The following SGCZ variants were observed in gnomAD, a reference collection of about 807,000 sequenced individuals.
The protein encoded by SGCZ is zeta-sarcoglycan.
In SGCZ, 40 loss-of-function variants were observed where a neutral mutation model predicts 41.3. The observed-to-expected ratio is 0.97, with a 90% confidence interval of 0.75 to 1.26. SGCZ has a LOEUF of 1.26. Among genes scored for constraint, SGCZ ranks in the 50% most tolerant of loss-of-function variants. The probability of loss-of-function intolerance (pLI) is 0.00; values close to 1 mark genes in which losing one functional copy is unlikely to be tolerated. For missense variants in SGCZ, 552 were observed against 369.8 expected, an observed-to-expected ratio of 1.49 and a Z score of -4.04; for synonymous variants, 206 against 137.5, an observed-to-expected ratio of 1.50 and a Z score of -3.49.
At chr8:14,389,639 G>A (rs1585440397) in intron 2 of SGCZ, among the ~76,000 whole-genome samples, 1 of 151,874 alleles carries the variant, frequency 6.6e-6, no homozygotes, top group Non-Finnish European at 1.5e-5. Flanking sequence ...ATAGACTCTT[G>A]TAGAAAATTA....
intron 2 of SGCZ, among the ~76,000 whole-genome samples, chr8:14,421,433 C>T (rs901869319): frequency 6.6e-6 from 1 of 152,104 alleles, no homozygotes; most frequent in East Asian, 1.9e-4. Flanking sequence ...ATGTATATAC[C>T]AGGTCTTGGG....
rs377636632 is a variant in SGCZ, at chr8:14,571,026, C to T, written c.40-16100G>A. Among the ~76,000 whole-genome samples the T allele has an allele frequency of 2.8e-4, 42 of 152,278 alleles. 1 individual carries two copies. In the East Asian group the frequency reaches 7.5e-3, roughly 27 times the overall value. ...CTTGACAGGTGTATTAGTCAGTTTT[C>T]GCACTGCTATAAAGAACACCTGAGA... On this transcript the variant is annotated intron_variant, in intron 1 of 7. Transcript: ENST00000382080.
intron 1 of SGCZ, among the ~76,000 whole-genome samples, chr8:15,185,541 G>A (rs541925749): frequency 6.6e-6 from 1 of 151,932 alleles, no homozygotes; most frequent in African/African-American, 2.4e-5. Flanking sequence ...TTATTGCCTC[G>A]ATATCTTTAT....
intron 1 of SGCZ, among the ~76,000 whole-genome samples, chr8:14,876,694 T>A (rs1286356407): frequency 6.6e-6 from 1 of 152,104 alleles, no homozygotes; most frequent in Non-Finnish European, 1.5e-5. Context: ...ACACAAATAG[T>A]GAGTAACTTT....
intron 1 of SGCZ, among the ~76,000 whole-genome samples, chr8:15,142,033 A>T (rs548588488): frequency 2.4e-4 from 36 of 152,222 alleles, no homozygotes; most frequent in Non-Finnish European, 4.4e-5. Flanking sequence ...AAGACCGAGT[A>T]GGAAAATTCT....
intron 1 of SGCZ, among the ~76,000 whole-genome samples, chr8:15,012,032 TTC>T (rs758423060): frequency 2.5e-4 from 38 of 152,324 alleles, no homozygotes; most frequent in East Asian, 1.7e-3. Flanking sequence ...GCACACAGAA[TTC>T]TGTTTAACTA....
intron 4 of SGCZ, among the ~76,000 whole-genome samples, chr8:14,212,221 C>G (rs925532361): frequency 6.6e-6 from 1 of 151,996 alleles, no homozygotes; most frequent in African/African-American, 2.4e-5. Flanking sequence ...CTGGCTCCTC[C>G]CTTTGCTGGA....
intron 4 of SGCZ, among the ~76,000 whole-genome samples, chr8:14,214,287 GAA>G (rs1805916913): frequency 6.6e-6 from 1 of 152,032 alleles, no homozygotes; most frequent in Non-Finnish European, 1.5e-5. Context: ...CAAAATCAAA[GAA>G]AGTCTGTGCA....
chr8:15,151,114 A>C, intron 1 of SGCZ, among the ~76,000 whole-genome samples: 1 of 152,236 alleles, frequency 6.6e-6, no homozygotes, highest in East Asian at 1.9e-4. Context: ...GCCTCGGAGG[A>C]TGGAGGCTGT....
intron 1 of SGCZ, among the ~76,000 whole-genome samples, chr8:15,225,527 C>A (rs1036718289): frequency 6.6e-6 from 1 of 152,050 alleles, no homozygotes; most frequent in Admixed American, 6.5e-5. Flanking sequence ...CACGTGTTCA[C>A]ATAATGAAAA....
At chr8:15,003,301 G>T in intron 1 of SGCZ, among the ~76,000 whole-genome samples, 1 of 152,134 alleles carries the variant, frequency 6.6e-6, no homozygotes, top group South Asian at 2.1e-4. Flanking sequence ...GAACTGAGTG[G>T]AACTGTGAGT....
At chr8:14,807,608 A>G (rs2130525245) in intron 1 of SGCZ, among the ~76,000 whole-genome samples, 2 of 152,080 alleles carry the variant, frequency 1.3e-5, no homozygotes, top group Non-Finnish European at 2.9e-5. Flanking sequence ...AGAACATTCC[A>G]TGCTCAAGGG....
Position 14,297,870 on chromosome 8 carries a change from G to A in SGCZ, c.336+26233C>T, listed in dbSNP as rs114340766. Among the ~76,000 whole-genome samples the A allele has an allele frequency of 7.0e-3, 1,068 of 151,928 alleles. 16 individuals are homozygous for A. Among genetic ancestry groups the A allele is most frequent in the African/African-American group, 0.025 (1,021 of 41,484 alleles). Reference sequence around the variant, plus strand: ...CCAACTCTTTCAGAAAAAAAAAGGAGAAGACTTTGCCACTCATTTTAGGAG... The same window carrying A: ...CCAACTCTTTCAGAAAAAAAAAGGAAAAGACTTTGCCACTCATTTTAGGAG... On this transcript the variant is annotated intron_variant, in intron 3 of 7. Coordinates refer to ENST00000382080, the MANE Select transcript of SGCZ (RefSeq NM_139167.4).
chr8:14,218,562 T>A (rs1452545912), intron 4 of SGCZ, among the ~76,000 whole-genome samples: 1 of 152,234 alleles, frequency 6.6e-6, no homozygotes, highest in Non-Finnish European at 1.5e-5. Context: ...TTAAATTTTG[T>A]GTGACAGTGG....
chr8:14,631,204 G>A (rs1393741430), intron 1 of SGCZ, among the ~76,000 whole-genome samples: 1 of 151,928 alleles, frequency 6.6e-6, no homozygotes, highest in Non-Finnish European at 1.5e-5. Context: ...TCAGGGGTGA[G>A]GAGTCTGAAC....
At chr8:14,379,916 G>C (rs1804296037) in intron 2 of SGCZ, among the ~76,000 whole-genome samples, 1 of 152,020 alleles carries the variant, frequency 6.6e-6, no homozygotes, top group African/African-American at 2.4e-5. Flanking sequence ...ATTTTTACTA[G>C]AGATGGGGCT....
Position 14,631,814 on chromosome 8 carries a change from G to A in SGCZ, c.40-76888C>T, listed in dbSNP as rs76587748. ...CACATGTCTCTACCACCAAACACTT[G>A]AGAGGCCTTTAATACATATGCTTTA... On this transcript the variant is annotated intron_variant, in intron 1 of 7. Coordinates refer to ENST00000382080, the MANE Select transcript of SGCZ (RefSeq NM_139167.4). Among the ~76,000 whole-genome samples the A allele has an allele frequency of 8.8e-3, 1,337 of 152,116 alleles. 18 individuals are homozygous for A. Among genetic ancestry groups the A allele is most frequent in the African/African-American group, 0.031 (1,268 of 41,526 alleles).
At chr8:14,447,004 A>G (rs1431141221) in intron 2 of SGCZ, among the ~76,000 whole-genome samples, 1 of 152,238 alleles carries the variant, frequency 6.6e-6, no homozygotes, top group African/African-American at 2.4e-5. Context: ...TAATATAAAC[A>G]TGAAAATAGC....
intron 1 of SGCZ, among the ~76,000 whole-genome samples, chr8:14,769,934 G>A (rs920394113): frequency 6.0e-5 from 9 of 151,194 alleles, no homozygotes; most frequent in African/African-American, 2.2e-4. Context: ...GCATAAAGAT[G>A]CAACTCAGTT....
Sources: gnomAD v4.1 joint callset for allele counts (sites outside exome capture counted in the v4.1 genomes callset) on GRCh38, gnomAD v4.1.1 for gene constraint, MANE v1.5 for transcripts, NCBI Gene and HGNC (gene_info 2026-07-23, HGNC 2026-07-21) for gene names.